The following CDH18 variants were observed in gnomAD, a reference collection of about 807,000 sequenced individuals.
CDH18 encodes cadherin 18.
In CDH18, 31 loss-of-function variants were observed where a neutral mutation model predicts 67.9. The observed-to-expected ratio is 0.46, with a 90% CI of 0.34 to 0.62. The LOEUF (loss-of-function observed/expected upper bound fraction) is 0.62. CDH18 is among the 20% of genes least tolerant of loss of function. CDH18 has a pLI of 0.01. For synonymous variants in CDH18, 362 were observed against 347.2 expected (o/e 1.04, Z -0.48); for missense variants, 890 against 975.5 (o/e 0.91, Z 1.17).
intron 2 of CDH18, among the ~76,000 whole-genome samples, chr5:20,059,237 T>C (rs1233044561): frequency 7.9e-5 from 12 of 152,154 alleles, no homozygotes; most frequent in Admixed American, 7.9e-4. Flanking sequence ...TTTATTAGTC[T>C]GGCTAGCGGT....
At chr5:20,092,598 T>C (rs984116840) in intron 2 of CDH18, among the ~76,000 whole-genome samples, 4 of 152,182 alleles carry the variant, frequency 2.6e-5, no homozygotes, top group Admixed American at 6.6e-5. Flanking sequence ...TATTGAAAAT[T>C]TGAATTATCA....
intron 2 of CDH18, among the ~76,000 whole-genome samples, chr5:20,166,924 T>G (rs1417968470): frequency 6.6e-6 from 1 of 152,160 alleles, no homozygotes; most frequent in Non-Finnish European, 1.5e-5. Flanking sequence ...TTAAATAATT[T>G]TAACGCTTCT....
chr5:19,513,808 G>C (rs905023718), intron 10 of CDH18, among the ~76,000 whole-genome samples: 1 of 151,548 alleles, frequency 6.6e-6, no homozygotes, highest in African/African-American at 2.4e-5. Context: ...CTTCTTCATG[G>C]AATATTAAGT....
intron 2 of CDH18, among the ~76,000 whole-genome samples, chr5:20,066,548 A>G (rs1231689895): frequency 6.6e-6 from 1 of 152,028 alleles, no homozygotes; most frequent in Non-Finnish European, 1.5e-5. Flanking sequence ...TGGCTGGTAA[A>G]ATTCAAAGTC....
intron 1 of CDH18, among the ~76,000 whole-genome samples, chr5:20,329,631 G>A (rs115658007): frequency 0.063 from 9,541 of 151,828 alleles, 425 homozygotes; most frequent in East Asian, 0.15. Context: ...TTAGCCGGAC[G>A]TGGTGGTGGG....
chr5:20,084,614 C>A (rs1031781923), intron 2 of CDH18, among the ~76,000 whole-genome samples: 1 of 152,206 alleles, frequency 6.6e-6, no homozygotes, highest in Non-Finnish European at 1.5e-5. Flanking sequence ...AGAGCCCTGT[C>A]CCTGTAGCAA....
chr5:20,244,147 A>G (rs944267211), intron 2 of CDH18, among the ~76,000 whole-genome samples: 1 of 150,658 alleles, frequency 6.6e-6, no homozygotes, highest in Admixed American at 6.6e-5. Flanking sequence ...TATCACCAAC[A>G]AAAAGTTGTC....
intron 3 of CDH18, among the ~76,000 whole-genome samples, chr5:19,811,215 G>C (rs1464965765): frequency 6.7e-6 from 1 of 148,912 alleles, no homozygotes; most frequent in South Asian, 2.2e-4. Flanking sequence ...AGGAAGGAAG[G>C]AAAGAAAAGA....
intron 1 of CDH18, among the ~76,000 whole-genome samples, chr5:20,485,290 T>TTA (rs1753091249): frequency 6.6e-6 from 1 of 152,086 alleles, no homozygotes; most frequent in South Asian, 2.1e-4. Flanking sequence ...ATGGCTTGAG[T>TTA]TATACTGTAG....
chr5:20,138,219 G>A (rs1749910246), intron 2 of CDH18, among the ~76,000 whole-genome samples: 1 of 152,042 alleles, frequency 6.6e-6, no homozygotes, highest in African/African-American at 2.4e-5. Flanking sequence ...AAAACCACGT[G>A]ATTGTCTCAA....
chr5:20,501,401 T>C (rs1368096810), intron 1 of CDH18, among the ~76,000 whole-genome samples: 2 of 145,590 alleles, frequency 1.4e-5, no homozygotes, highest in South Asian at 4.2e-4. Context: ...AATCCTAAAA[T>C]ATATATATTT....
At chr5:20,279,095 A>G (rs1006689936) in intron 1 of CDH18, among the ~76,000 whole-genome samples, 1 of 152,140 alleles carries the variant, frequency 6.6e-6, no homozygotes. Context: ...CTATCCAATC[A>G]AAAGATACAG....
chr5:19,809,902 A>G (rs1277839028), intron 3 of CDH18, among the ~76,000 whole-genome samples: 1 of 152,216 alleles, frequency 6.6e-6, no homozygotes, highest in Non-Finnish European at 1.5e-5. Flanking sequence ...TACCAGGATC[A>G]AATCTCCACT....
intron 1 of CDH18, among the ~76,000 whole-genome samples, chr5:20,414,772 T>C (rs985593519): frequency 1.3e-5 from 2 of 152,078 alleles, no homozygotes; most frequent in Non-Finnish European, 2.9e-5. Flanking sequence ...TAATGAGATA[T>C]CGTTTCATAC....
At chr5:20,463,391 T>A (rs990639256) in intron 1 of CDH18, among the ~76,000 whole-genome samples, 1 of 152,108 alleles carries the variant, frequency 6.6e-6, no homozygotes, top group Non-Finnish European at 1.5e-5. Context: ...CACACTGCTA[T>A]GTAGAAATAC....
intron 10 of CDH18, among the ~76,000 whole-genome samples, 174 bp downstream of exon 10, chr5:19,520,483 A>G (rs1369311898): frequency 6.6e-6 from 1 of 152,218 alleles, no homozygotes; most frequent in Non-Finnish European, 1.5e-5. Flanking sequence ...AGAAAATTCA[A>G]TTGCTTTGAT....
At chr5:20,259,465 C>T (rs980542975) in intron 1 of CDH18, among the ~76,000 whole-genome samples, 1 of 152,104 alleles carries the variant, frequency 6.6e-6, no homozygotes, top group Non-Finnish European at 1.5e-5. Context: ...TCCTTTTCCT[C>T]CTCCTACTCA....
At chr5:20,007,117 C>T (rs76499359) in intron 2 of CDH18, among the ~76,000 whole-genome samples, 10,706 of 151,476 alleles carry the variant, frequency 0.071, 412 homozygotes, top group East Asian at 0.14. Context: ...ATATCAAATA[C>T]GCTTTGAATA....
At chr5:20,115,364 C>T (rs527458616) in intron 2 of CDH18, among the ~76,000 whole-genome samples, 1 of 140,806 alleles carries the variant, frequency 7.1e-6, no homozygotes, top group Admixed American at 7.6e-5. Flanking sequence ...CTGCAACCTC[C>T]ACCTCCTGGG....
Sources: allele counts gnomAD v4.1 joint callset (sites outside exome capture counted in the v4.1 genomes callset), GRCh38; gene constraint gnomAD v4.1.1; transcripts MANE v1.5; gene names NCBI Gene and HGNC (gene_info 2026-07-23, HGNC 2026-07-21).